ZNF701: variants seen among roughly 807,000 people sequenced by gnomAD.
The protein encoded by ZNF701 is zinc finger protein 701.
ZNF701 carries 6 observed loss-of-function variants against 7.1 expected under a neutral mutation model. That is an observed-to-expected ratio of 0.84 (90% CI 0.46 to 1.66). ZNF701 has a LOEUF of 1.66. Ranked by LOEUF, ZNF701 falls within the 40% of genes most tolerant of loss-of-function variation. The pLI is 0.01. For synonymous variants in ZNF701, 166 were observed against 188.2 expected (o/e 0.88, Z 0.97); for missense variants, 541 against 559.2 (o/e 0.97, Z 0.33).
the ZNF701 span, chr19:52,595,932 T>C: frequency 3.7e-6 from 6 of 1,612,500 alleles, no homozygotes; most frequent in Non-Finnish European, 5.1e-6. Context: ...GAACTCCACA[T>C]GTTTCAGACC....
At chr19:52,575,026 G>A (rs2146981222) in intron 2 of ZNF701, among the ~76,000 whole-genome samples, 1 of 152,192 alleles carries the variant, frequency 6.6e-6, no homozygotes, top group African/African-American at 2.4e-5. Context: ...CTGTAGTGCA[G>A]TGGCACGATC....
intron 3 of ZNF701, among the ~76,000 whole-genome samples, chr19:52,576,528 A>G (rs2059935468): frequency 2.0e-5 from 3 of 152,122 alleles, no homozygotes. Context: ...CAACAGAGCA[A>G]GACTCTCTCT....
the ZNF701 span, chr19:52,592,326 C>T: frequency 8.0e-7 from 1 of 1,251,558 alleles, no homozygotes. Flanking sequence ...CCCATACATG[C>T]TTTTCATGTA....
intron 3 of ZNF701, 71 bp from the exon 4 acceptor site, chr19:52,582,131 A>G: frequency 7.6e-7 from 1 of 1,313,502 alleles, no homozygotes; most frequent in Non-Finnish European, 1.0e-6. Context: ...TTTTTATGTA[A>G]TATTTACACA....
chr19:52,574,171 A>G lies in ZNF701; in HGVS notation c.15+9A>G. On this transcript the variant is annotated intron_variant, in intron 2 of 3. Transcript: ENST00000391785. ...GGATGGCTCTTCTTCAGGTGAGATG[A>G]TATTCTCGGGGGATTGTTCTGTCTC... The G allele has an allele frequency of 6.2e-7, 1 of 1,608,900 alleles. No homozygotes were observed. The highest frequency in any genetic ancestry group is 1.1e-5 in the South Asian group (1 of 90,990).
At position 52,582,545 on chromosome 19, in the gene ZNF701, T is replaced by A; in HGVS notation, c.486T>A (p.Asn162Lys). The change falls in exon 4 of 4, where the codon AAT becomes AAA. Residue 162 changes from asparagine to lysine, a missense_variant. Coordinates refer to ENST00000391785, the MANE Select transcript of ZNF701 (RefSeq NM_018260.3). ...TTCACCCCGAAGGGAAAATTGGTAA[T>A]CAAGTTGAGAAGGCTATCAACGATG... ...HIFHPEGKIG[N>K]QVEKAINDAF... The A allele has an allele frequency of 6.2e-7, 1 of 1,614,190 alleles. No homozygotes were observed. The highest frequency in any genetic ancestry group is 8.5e-7 in the Non-Finnish European group (1 of 1,180,036).
chr19:52,575,807 T>A lies in ZNF701; in HGVS notation c.16-88T>A, dbSNP rs2059930665. On this transcript the variant is annotated intron_variant, in intron 2 of 3. Coordinates refer to ENST00000391785, the MANE Select transcript of ZNF701 (RefSeq NM_018260.3). ...TGTCGGAACATTCTCTGCAATTAAA[T>A]CCATGCTTTCCCCTCTCCTCTTCTC... 5.6e-6 allele frequency: 5 copies of A among 894,612 alleles called. No individual in the cohort carries two copies. In the Admixed American group the frequency reaches 1.3e-4, roughly 22 times the overall value. The allele number at this position is 894,612 out of a possible 1,614,324, so 55.4% of individuals were successfully genotyped here. A position where few individuals can be genotyped will look rare whatever the true frequency, so the allele number is the denominator to read the frequency against.
intron 3 of ZNF701, among the ~76,000 whole-genome samples, chr19:52,581,587 A>G (rs1274153396): frequency 6.6e-6 from 1 of 152,146 alleles, no homozygotes; most frequent in Non-Finnish European, 1.5e-5. Flanking sequence ...ATGTTGGCGC[A>G]CTGCAACCTT....
At chr19:52,580,486 A>C (rs765340575) in intron 3 of ZNF701, among the ~76,000 whole-genome samples, 1 of 150,956 alleles carries the variant, frequency 6.6e-6, no homozygotes, top group Non-Finnish European at 1.5e-5. Flanking sequence ...CAGACCCCCA[A>C]AGTGCTGGGA....
rs2059991273 is a variant in ZNF701, at chr19:52,583,622, C to CAAAT, written c.*166_*169dup. The CAAAT allele has an allele frequency of 7.6e-6, 10 of 1,313,104 alleles. No homozygotes were observed. The highest frequency in any genetic ancestry group is 1.1e-5 in the Non-Finnish European group (10 of 907,152). 81.3% of individuals were successfully genotyped at this position (1,313,104 alleles called of 1,614,324 possible). A position where few individuals can be genotyped will look rare whatever the true frequency, so the allele number is the denominator to read the frequency against. ...GAGTTCATACTGGAGAGAAACCATA[C>CAAAT]AAATGTAAGGTTTGTGACAAGGATT... On this transcript the variant is annotated 3_prime_UTR_variant, in exon 4 of 4. Coordinates refer to ENST00000391785, the MANE Select transcript of ZNF701 (RefSeq NM_018260.3).
chr19:52,589,190 A>T (rs1483077141), downstream of ZNF701, among the ~76,000 whole-genome samples: 1 of 151,956 alleles, frequency 6.6e-6, no homozygotes, highest in African/African-American at 2.4e-5. Context: ...GAAATTTCTC[A>T]CTCTTTTAAG....
intron 1 of ZNF701, 28 bp from the exon 2 acceptor site, chr19:52,574,049 C>A (rs917231879): frequency 1.3e-6 from 2 of 1,599,720 alleles, no homozygotes; most frequent in African/African-American, 2.7e-5. Flanking sequence ...TGATTCTGAG[C>A]AGTAAACAAC....
the ZNF701 span, chr19:52,593,945 A>T: frequency 1.5e-3 from 192 of 132,270 alleles, 58 homozygotes; most frequent in African/African-American, 5.7e-3. Flanking sequence ...CAATCTCGGC[A>T]CTTTGGGAGG....
rs570482490 is a variant in ZNF701 at position 52,582,937 on chromosome 19, C to T, written c.878C>T (p.Thr293Ile). 6 of 1,614,088 alleles carry T rather than the reference C, an allele frequency of 3.7e-6. 1 individual carries two copies. In the South Asian group the frequency reaches 6.6e-5, roughly 18 times the overall value. The change falls in exon 4 of 4, where the codon ACT becomes ATT. Residue 293 changes from threonine (T) to isoleucine (I), a missense_variant. Coordinates refer to ENST00000391785, the MANE Select transcript of ZNF701 (RefSeq NM_018260.3). ...SALLVHKAIHTGEKPYKCNEC... is the reference protein window; with the variant it reads ...SALLVHKAIHIGEKPYKCNEC... ...CTGTTAGTTCACAAGGCAATTCATA[C>T]TGGAGAGAAACCTTACAAGTGTAAT... is the stretch of plus-strand genomic sequence containing the variant.
At position 52,586,626 on chromosome 19, in the gene ZNF701, C is replaced by T. The variant is rs576890116; in HGVS notation, c.*3169C>T. 2.8e-4 allele frequency: 42 copies of T among 152,208 alleles called. No homozygotes were observed. Among genetic ancestry groups the T allele is most frequent in the African/African-American group, 9.9e-4 (41 of 41,536 alleles). 9.4% of individuals were successfully genotyped at this position (152,208 alleles called of 1,614,324 possible). On this transcript the variant is annotated 3_prime_UTR_variant, in exon 4 of 4. Coordinates refer to ENST00000391785, the MANE Select transcript of ZNF701 (RefSeq NM_018260.3). ...TTCCTGGCCATCACATGAAAATCAG[C>T]GACTCTTCCTTCTTACAAAACTCGG...
chr19:52,570,514 C>T (rs2059890552), intron 1 of ZNF701, 184 bp downstream of exon 1: 1 of 152,248 alleles, frequency 6.6e-6, no homozygotes, highest in Admixed American at 6.5e-5. Context: ...CGCCCTGAGG[C>T]TGTTCCCGTC....
At position 52,579,252 on chromosome 19, in the gene ZNF701, C is replaced by T. The variant is rs1001948593; in HGVS notation, c.143-2950C>T. On this transcript the variant is annotated intron_variant, in intron 3 of 3. Transcript: ENST00000391785. Reference sequence around the variant, plus strand: ...GTTAAAGATCTTAAAGTTGGCCAGGCGCGGTGGCTCACGCCTGTAATCCCA... The same window carrying T: ...GTTAAAGATCTTAAAGTTGGCCAGGTGCGGTGGCTCACGCCTGTAATCCCA... 1.8e-3 allele frequency among the ~76,000 whole-genome samples: 252 copies of T among 141,934 alleles called. 4 individuals carry two copies. Among genetic ancestry groups the T allele is most frequent in the Non-Finnish European group, 2.2e-4 (15 of 67,508 alleles). 93.1% of individuals were successfully genotyped at this position (141,934 alleles called of 152,430 possible).
the ZNF701 span, among the ~76,000 whole-genome samples, chr19:52,593,504 C>T: frequency 8.9e-6 from 1 of 112,626 alleles, no homozygotes; most frequent in Non-Finnish European, 1.9e-5. Flanking sequence ...CGCCCCTCAC[C>T]TGCCAGATGG....
At chr19:52,598,478 C>A in the ZNF701 span, among the ~76,000 whole-genome samples, 73 of 152,174 alleles carry the variant, frequency 4.8e-4, no homozygotes, top group Admixed American at 1.6e-3. Context: ...CGCTGGTTGC[C>A]GCGGGCACTG....
Sources: allele counts gnomAD v4.1 joint callset (sites outside exome capture counted in the v4.1 genomes callset), GRCh38; gene constraint gnomAD v4.1.1; transcripts MANE v1.5; gene names NCBI Gene and HGNC (gene_info 2026-07-23, HGNC 2026-07-21).